Variants in C3orf33 observed in about 807,000 individuals in gnomAD.
C3orf33 encodes mitochondrial inner membrane subdomain organizer 1, also known as AP-1 activity suppressor.
Under a neutral mutation model 28.7 loss-of-function variants are expected in C3orf33, and 23 were observed. That is an observed-to-expected ratio of 0.80 (90% CI 0.58 to 1.13). C3orf33 has a LOEUF of 1.13. C3orf33 is among the 50% of genes most tolerant of loss of function. The probability of loss-of-function intolerance (pLI) is 0.00; values close to 1 mark genes in which losing one functional copy is unlikely to be tolerated. For synonymous variants in C3orf33, 119 were observed against 120.5 expected, an observed-to-expected ratio of 0.99 and a Z score of 0.08; for missense variants, 327 against 353.4, an observed-to-expected ratio of 0.93 and a Z score of 0.60.
chr3:155,775,455 C>T (rs1320860413), intron 3 of C3orf33, among the ~76,000 whole-genome samples: 1 of 150,080 alleles, frequency 6.7e-6, no homozygotes, highest in Admixed American at 6.7e-5. Context: ...CACCATTGCA[C>T]TCCAGCCTGG....
At chr3:155,789,208 G>A (rs1054369368) in intron 2 of C3orf33, among the ~76,000 whole-genome samples, 7 of 152,118 alleles carry the variant, frequency 4.6e-5, no homozygotes, top group Admixed American at 4.6e-4. Flanking sequence ...AGCCAGGCGT[G>A]GTGGCAGGCG....
At position 155,763,483 on chromosome 3, in the gene C3orf33, T is replaced by C. The variant is rs753228390; in HGVS notation, c.*34A>G. The C allele has an allele frequency of 1.4e-6, 2 of 1,428,322 alleles. No homozygotes were observed. Among genetic ancestry groups the C allele is most frequent in the South Asian group, 1.8e-5 (1 of 55,692 alleles). 88.5% of individuals were successfully genotyped at this position (1,428,322 alleles called of 1,614,324 possible). A position where few individuals can be genotyped will look rare whatever the true frequency, so the allele number is the denominator to read the frequency against. On this transcript the variant is annotated 3_prime_UTR_variant, in exon 5 of 5. Coordinates refer to ENST00000340171, the MANE Select transcript of C3orf33 (RefSeq NM_001308229.2). ...TCCATATATTTACATATTTCACTCT[T>C]TGGAGAAGGTTACCTCTAGATTTCT...
In C3orf33 at chr3:155,767,661, G is replaced by C; in HGVS notation, c.331C>G (p.Arg111Gly). 6.4e-7 allele frequency: 1 copy of C among 1,550,818 alleles called. No homozygotes were observed. The highest frequency in any genetic ancestry group is 2.3e-5 in the East Asian group (1 of 43,332). Residue 111 changes from arginine to glycine, a missense_variant, in exon 4 of 5, where the codon CGT (arginine) becomes GGT (glycine). Coordinates refer to ENST00000340171, the MANE Select transcript of C3orf33 (RefSeq NM_001308229.2). ...PIIASLRKEPRGALLVKLAGV... is the reference protein window; with the variant it reads ...PIIASLRKEPGGALLVKLAGV... ...GCCAACTTAACCAGCAAAGCACCAC[G>C]TGGCTCTTCTAAAAAGGTTAGGTAG...
chr3:155,784,840 T>C (rs1003207989), intron 2 of C3orf33, among the ~76,000 whole-genome samples: 6 of 151,456 alleles, frequency 4.0e-5, no homozygotes, highest in African/African-American at 1.5e-4. Flanking sequence ...ATAAGGCATA[T>C]AGAAAACAGA....
chr3:155,771,182 T>A (rs184682108), intron 3 of C3orf33, among the ~76,000 whole-genome samples: 111 of 152,176 alleles, frequency 7.3e-4, no homozygotes, highest in African/African-American at 2.5e-3. Context: ...CATGGCTCAC[T>A]GTAGCCTCAA....
intron 2 of C3orf33, among the ~76,000 whole-genome samples, chr3:155,786,975 T>G (rs1751137083): frequency 6.6e-6 from 1 of 152,192 alleles, no homozygotes; most frequent in Non-Finnish European, 1.5e-5. Flanking sequence ...TCTGACAGCA[T>G]CACTGGTCAA....
chr3:155,805,221 G>A (rs934560810), intron 1 of C3orf33, among the ~76,000 whole-genome samples: 2 of 150,934 alleles, frequency 1.3e-5, no homozygotes, highest in Admixed American at 6.6e-5. Flanking sequence ...CCAGTGCTTT[G>A]GGAGGCCGAG....
chr3:155,781,327 G>A (rs1011119576), intron 2 of C3orf33, among the ~76,000 whole-genome samples: 1 of 151,994 alleles, frequency 6.6e-6, no homozygotes, highest in African/African-American at 2.4e-5. Flanking sequence ...CTGTTACTTG[G>A]GGTTTCTCTT....
chr3:155,787,061 C>G (rs1164012707), intron 2 of C3orf33, among the ~76,000 whole-genome samples: 2 of 152,184 alleles, frequency 1.3e-5, no homozygotes, highest in Non-Finnish European at 2.9e-5. Context: ...GAAGAGAATA[C>G]TTCCTAACTC....
At chr3:155,766,933 G>A (rs925385757) in intron 4 of C3orf33, among the ~76,000 whole-genome samples, 1 of 151,712 alleles carries the variant, frequency 6.6e-6, no homozygotes, top group Non-Finnish European at 1.5e-5. Context: ...CTGGGCAACA[G>A]AGTGAGACTC....
chr3:155,767,575 T>C lies in C3orf33; in HGVS notation c.417A>G (p.Gln139=), dbSNP rs774620237. ...TTCCAAGAAGTTGGAACCATAGTAATTGGGAAGGTTTTAGCTCTTTTTGTA... is the reference window on the plus strand; with the variant it reads ...TTCCAAGAAGTTGGAACCATAGTAACTGGGAAGGTTTTAGCTCTTTTTGTA... ...AWLQKELKPS[Q]LLWFQLLGKE... is the part of the protein sequence containing the mutation. The change falls in exon 4 of 5, where the codon CAA becomes CAG. Residue 139 remains glutamine (Q), a synonymous_variant. Transcript: ENST00000340171. 1.3e-6 allele frequency: 2 copies of C among 1,597,648 alleles called. No homozygotes were observed. Among genetic ancestry groups the C allele is most frequent in the Non-Finnish European group, 8.5e-7 (1 of 1,169,814 alleles).
At chr3:155,772,154 A>G (rs1193451283) in intron 3 of C3orf33, among the ~76,000 whole-genome samples, 1 of 152,148 alleles carries the variant, frequency 6.6e-6, no homozygotes, top group African/African-American at 2.4e-5. Flanking sequence ...GCAATGAACC[A>G]TGATCGCACC....
rs567430199 is a variant in C3orf33, at chr3:155,777,447, C to CT, written c.175-1600dup. Among the ~76,000 whole-genome samples the CT allele has an allele frequency of 8.8e-4, 128 of 145,144 alleles. 1 individual carries two copies. The highest frequency in any genetic ancestry group is 1.8e-3 in the African/African-American group (73 of 39,804). ...TAAAGGACAAACTAACATTACAGAT[C>CT]TTTTTTTTTTTTAGACAGGGTCTCG... On this transcript the variant is annotated intron_variant, in intron 2 of 4. Coordinates refer to ENST00000340171, the MANE Select transcript of C3orf33 (RefSeq NM_001308229.2).
At chr3:155,788,115 T>C (rs1338091185) in intron 2 of C3orf33, among the ~76,000 whole-genome samples, 3 of 149,718 alleles carry the variant, frequency 2.0e-5, no homozygotes, top group East Asian at 2.0e-4. Context: ...GGCGTGAACC[T>C]GGGAGGCGGA....
In C3orf33 at chr3:155,763,720, T is replaced by C; in HGVS notation, c.682A>G (p.Lys228Glu). The C allele has an allele frequency of 6.3e-7, 1 of 1,595,700 alleles. No homozygotes were observed. Among genetic ancestry groups the C allele is most frequent in the Non-Finnish European group, 8.5e-7 (1 of 1,175,432 alleles). The change falls in exon 5 of 5, where the codon AAA becomes GAA. Residue 228 changes from lysine (K) to glutamate (E), a missense_variant. Transcript: ENST00000340171. ...EDSEKESYLE[K>E]FKDSWREIWK... ...ATTTCTCTCCAGGAATCTTTGAATT[T>C]TTCTAAGTAACTTTCTTTTTCAGAG...
chr3:155,769,629 T>C (rs914583258), intron 3 of C3orf33, among the ~76,000 whole-genome samples: 3 of 152,126 alleles, frequency 2.0e-5, no homozygotes, highest in African/African-American at 7.2e-5. Flanking sequence ...CATTAGTACA[T>C]AATGAGTTAC....
chr3:155,781,932 C>T (rs1222439372), intron 2 of C3orf33, among the ~76,000 whole-genome samples: 6 of 151,444 alleles, frequency 4.0e-5, no homozygotes, highest in East Asian at 3.9e-4. Context: ...AAAAATTAGC[C>T]GGGTGTGGTG....
Position 155,806,223 on chromosome 3 carries a change from C to A in C3orf33, c.30G>T (p.Ser10=). 6.8e-7 allele frequency: 1 copy of A among 1,481,270 alleles called. No homozygotes were observed. The highest frequency in any genetic ancestry group is 1.4e-5 in the African/African-American group (1 of 69,710). 91.8% of individuals were successfully genotyped at this position (1,481,270 alleles called of 1,614,324 possible). Residue 10 remains serine, a synonymous_variant, in exon 1 of 5, where the codon TCG becomes TCT. Transcript: ENST00000340171. MAGQPAATG[S]PSADKDGMEP... is the part of the protein sequence containing the mutation. ...CCATTCCGTCCTTGTCGGCAGACGG[C>A]GAGCCGGTGGCCGCGGGCTGCCCCG...
chr3:155,805,583 G>A, intron 1 of C3orf33: 1 of 347,658 alleles, frequency 2.9e-6, no homozygotes, highest in South Asian at 1.6e-5. Context: ...AGTCGATGGG[G>A]TAGCGCACGC....
Sources: gnomAD v4.1 joint callset for allele counts (sites outside exome capture counted in the v4.1 genomes callset) on GRCh38, gnomAD v4.1.1 for gene constraint, MANE v1.5 for transcripts, NCBI Gene and HGNC (gene_info 2026-07-23, HGNC 2026-07-21) for gene names.